The following DPP6 variants were observed in gnomAD, a reference collection of about 807,000 sequenced individuals.
DPP6 encodes the protein dipeptidyl peptidase like 6.
Under a neutral mutation model 122.6 loss-of-function variants are expected in DPP6, and 69 were observed. The ratio of observed to expected loss-of-function variants is 0.56; its 90% CI spans 0.46 to 0.69. The LOEUF (loss-of-function observed/expected upper bound fraction) is 0.69. Ranked by LOEUF, DPP6 falls within the 30% of genes least tolerant of loss-of-function variation. The pLI, the probability that DPP6 is intolerant of heterozygous loss-of-function variation, is 0.00. For missense variants in DPP6, 928 were observed against 1,116.9 expected, an observed-to-expected ratio of 0.83 and a Z score of 2.41; for synonymous variants, 418 against 433.1, an observed-to-expected ratio of 0.97 and a Z score of 0.43.
intron 1 of DPP6, among the ~76,000 whole-genome samples, chr7:154,411,858 C>T (rs1026498984): frequency 2.0e-5 from 3 of 152,082 alleles, no homozygotes; most frequent in Admixed American, 6.5e-5. Flanking sequence ...GAAGTAGTCT[C>T]GGGCTAGGTA....
intron 1 of DPP6, among the ~76,000 whole-genome samples, chr7:154,132,720 CA>C (rs762806640): frequency 1.3e-4 from 20 of 152,034 alleles, no homozygotes; most frequent in Non-Finnish European, 2.5e-4. Context: ...CCTTATTCAT[CA>C]AAAAATCTTC....
intron 1 of DPP6, among the ~76,000 whole-genome samples, chr7:153,999,984 A>C (rs371192735): frequency 1.3e-5 from 2 of 151,608 alleles, no homozygotes; most frequent in African/African-American, 4.8e-5. Context: ...AAGAAAGAAA[A>C]AAAAAACTCA....
intron 1 of DPP6, among the ~76,000 whole-genome samples, chr7:154,216,532 A>T (rs899565143): frequency 6.6e-6 from 1 of 152,168 alleles, no homozygotes; most frequent in Non-Finnish European, 1.5e-5. Context: ...AAGGAGAAGG[A>T]TTGGTAGCAA....
chr7:154,008,763 G>A (rs1304467026), intron 1 of DPP6, among the ~76,000 whole-genome samples: 2 of 146,806 alleles, frequency 1.4e-5, no homozygotes, highest in East Asian at 2.1e-4. Context: ...CCAGGTTCAC[G>A]CCATTCTCCT....
At position 154,105,311 on chromosome 7, in the gene DPP6, A is replaced by C. The variant is rs565534992; in HGVS notation, c.243+52248A>C. On this transcript the variant is annotated intron_variant, in intron 1 of 25. Transcript: ENST00000377770. ...AGGAGAGGGATGGCCAAAAGAATCCAAAATGAAAAGTGTGCTGATAACAGA... is the reference window on the plus strand; with the variant it reads ...AGGAGAGGGATGGCCAAAAGAATCCCAAATGAAAAGTGTGCTGATAACAGA... 1.5e-3 allele frequency among the ~76,000 whole-genome samples: 225 copies of C among 152,324 alleles called. 1 individual carries two copies. Among genetic ancestry groups the C allele is most frequent in the Non-Finnish European group, 1.2e-3 (85 of 68,032 alleles).
intron 1 of DPP6, among the ~76,000 whole-genome samples, chr7:153,986,757 G>C (rs1460235587): frequency 2.0e-5 from 3 of 152,030 alleles, no homozygotes; most frequent in Non-Finnish European, 4.4e-5. Flanking sequence ...TTAAATTTCA[G>C]CAAGAAATAC....
the DPP6 span, among the ~76,000 whole-genome samples, chr7:153,773,049 T>C: frequency 2.0e-5 from 3 of 147,066 alleles, no homozygotes; most frequent in Non-Finnish European, 4.5e-5. Flanking sequence ...TTGATATTAA[T>C]ATAAAAGTAA....
chr7:154,138,341 G>A (rs1400227966), intron 1 of DPP6, among the ~76,000 whole-genome samples: 2 of 152,206 alleles, frequency 1.3e-5, no homozygotes, highest in Non-Finnish European at 2.9e-5. Context: ...GAGAATGCTT[G>A]ATTATGGCAT....
In DPP6 at chr7:154,715,884, C is replaced by T. The variant is rs148148675; in HGVS notation, c.763-11883C>T. Among the ~76,000 whole-genome samples the T allele has an allele frequency of 1.2e-3, 176 of 152,232 alleles. 1 individual carries two copies. Among genetic ancestry groups the T allele is most frequent in the African/African-American group, 4.1e-3 (172 of 41,528 alleles). On this transcript the variant is annotated intron_variant, in intron 7 of 25. Coordinates refer to ENST00000377770, the MANE Select transcript of DPP6 (RefSeq NM_130797.4). ...CAGAGGCATCTCACAGTCAACCTGC[C>T]CAAACTCCACTCTGACTTCCTTCTC...
At chr7:153,791,675 A>C in the DPP6 span, among the ~76,000 whole-genome samples, 16 of 149,542 alleles carry the variant, frequency 1.1e-4, no homozygotes, top group South Asian at 4.3e-4. Context: ...CCGCCTTGGC[A>C]TCCCAAGGTG....
intron 1 of DPP6, among the ~76,000 whole-genome samples, chr7:154,425,114 A>T (rs1054170455): frequency 4.6e-5 from 7 of 152,046 alleles, no homozygotes; most frequent in African/African-American, 1.7e-4. Context: ...GAACAGACTC[A>T]CTCAGCAGCA....
intron 1 of DPP6, among the ~76,000 whole-genome samples, chr7:154,378,197 G>A (rs1813292070): frequency 6.6e-6 from 1 of 152,190 alleles, no homozygotes; most frequent in Non-Finnish European, 1.5e-5. Context: ...GAAGCTGTGA[G>A]AGTTTATACA....
Position 154,241,185 on chromosome 7 carries a change from A to ATGCGTGCG in DPP6, c.243+188124_243+188125insCGTGCGTG, listed in dbSNP as rs34454400. On this transcript the variant is annotated intron_variant, in intron 1 of 25. Transcript: ENST00000377770. The surrounding 1 kb of genome is among the most constrained non-coding windows in gnomAD (Gnocchi z 9.0). ...GCACAGTAGGTAATTCAATATCAAT[A>ATGCGTGCG]TGTGTGTGTGTGTGTGTGTGTGTGT... is the stretch of plus-strand genomic sequence containing the variant. 1.0e-4 allele frequency among the ~76,000 whole-genome samples: 14 copies of ATGCGTGCG among 136,298 alleles called. No individual in the cohort carries two copies. The highest frequency in any genetic ancestry group is 3.6e-4 in the African/African-American group (13 of 35,788). The allele number at this position is 136,298 out of a possible 152,430, so 89.4% of individuals were successfully genotyped here. A position where few individuals can be genotyped will look rare whatever the true frequency, so the allele number is the denominator to read the frequency against.
rs78201341 is a variant in DPP6 at position 154,311,245 on chromosome 7, G to A, written c.244-134969G>A. On this transcript the variant is annotated intron_variant, in intron 1 of 25. Coordinates refer to ENST00000377770, the MANE Select transcript of DPP6 (RefSeq NM_130797.4). ...CCGCGTGCAGTGGCTCATACCTGCA[G>A]TCTTTGGGAGGCCGACGAGAGAGGA... Among the ~76,000 whole-genome samples the A allele has an allele frequency of 6.2e-3, 945 of 152,290 alleles. 12 individuals are homozygous for A. Among genetic ancestry groups the A allele is most frequent in the African/African-American group, 0.021 (886 of 41,556 alleles).
chr7:154,758,924 G>A (rs752671290), intron 8 of DPP6, among the ~76,000 whole-genome samples: 9 of 152,154 alleles, frequency 5.9e-5, no homozygotes, highest in Non-Finnish European at 1.2e-4. Context: ...GTGAGAGCAC[G>A]CAGCCTCTAT....
chr7:154,561,074 A>G (rs1195840302), intron 4 of DPP6, among the ~76,000 whole-genome samples: 1 of 152,208 alleles, frequency 6.6e-6, no homozygotes. Flanking sequence ...CTAAAGATGT[A>G]TGCAGCTAGC....
At chr7:153,943,130 T>C (rs1403124414) in intron 1 of DPP6, among the ~76,000 whole-genome samples, 3 of 152,194 alleles carry the variant, frequency 2.0e-5, no homozygotes, top group Non-Finnish European at 4.4e-5. Flanking sequence ...GTTTTATTAA[T>C]AAGGTGTTTA....
intron 5 of DPP6, among the ~76,000 whole-genome samples, chr7:154,628,670 G>A (rs1284731559): frequency 6.6e-6 from 1 of 152,104 alleles, no homozygotes; most frequent in Non-Finnish European, 1.5e-5. Flanking sequence ...ATCCAAAGAA[G>A]GATCTGGGTG....
At chr7:153,947,020 T>A in intron 1 of DPP6, among the ~76,000 whole-genome samples, 1 of 152,132 alleles carries the variant, frequency 6.6e-6, no homozygotes, top group East Asian at 1.9e-4. Flanking sequence ...CGGTGTGATA[T>A]TCCTGAGGCC....
Sources: allele counts gnomAD v4.1 joint callset (sites outside exome capture counted in the v4.1 genomes callset), GRCh38; gene constraint gnomAD v4.1.1; non-coding constraint Gnocchi (gnomAD v3.1); transcripts MANE v1.5; gene names NCBI Gene and HGNC (gene_info 2026-07-23, HGNC 2026-07-21).